PAM: variants seen among roughly 807,000 people sequenced by gnomAD.
The protein encoded by PAM is peptidyl-glycine alpha-amidating monooxygenase.
In PAM, 72 loss-of-function variants were observed where a neutral mutation model predicts 122.1. That is an observed-to-expected ratio of 0.59 (90% CI 0.49 to 0.72). PAM has a LOEUF of 0.72. Among genes scored for constraint, PAM ranks in the 30% least tolerant of loss-of-function variants. The pLI is 0.00. For synonymous variants in PAM, 389 were observed against 404.4 expected (o/e 0.96, Z 0.46); for missense variants, 1,106 against 1,183.7 (o/e 0.93, Z 0.96).
rs375491118 is a variant in PAM at position 103,028,932 on chromosome 5, G to T, written c.2789G>T (p.Arg930Leu). 2 of 1,612,712 alleles carry T rather than the reference G, an allele frequency of 1.2e-6. No homozygotes were observed. Among genetic ancestry groups the T allele is most frequent in the Non-Finnish European group, 1.7e-6 (2 of 1,179,376 alleles). Residue 930 changes from arginine (R) to leucine (L), a missense_variant, in exon 26 of 26, where the codon CGT (arginine) becomes CTT (leucine). This residue lies in a region of PAM where 333 missense variants were observed against 335.6 expected (regional missense o/e 0.99). Coordinates refer to ENST00000438793, the MANE Select transcript of PAM (RefSeq NM_001177306.2). The part of the protein sequence containing the change: ...GLNLGNFFAS[R>L]KGYSRKGFDR... ...AACCTTGGTAATTTCTTTGCAAGCC[G>T]TAAGGGCTACAGTCGAAAAGGGTTT...
chr5:102,912,609 T>C (rs1452088713), intron 4 of PAM, among the ~76,000 whole-genome samples: 1 of 150,856 alleles, frequency 6.6e-6, no homozygotes, highest in Non-Finnish European at 1.5e-5. Context: ...GGCTTCATGA[T>C]GATAAGGACT....
At chr5:102,931,161 A>G (rs578152771) in intron 7 of PAM, among the ~76,000 whole-genome samples, 4 of 152,316 alleles carry the variant, frequency 2.6e-5, no homozygotes, top group African/African-American at 7.2e-5. Context: ...CCTAAATACA[A>G]TATTTTGTCT....
rs1414806488 is a variant in PAM, at chr5:102,783,026, G to C, written c.-374+27678G>C. Among the ~76,000 whole-genome samples the C allele has an allele frequency of 3.4e-5, 5 of 146,870 alleles. No individual in the cohort carries two copies. The East Asian group carries it at 9.8e-4, about 29-fold the overall frequency. ...AAATTGTATGTCAGGGTGTATTTCT[G>C]TGTGGGGTTGCAAGGGCAGGAAAGA... On this transcript the variant is annotated intron_variant, in intron 1 of 25. Transcript: ENST00000438793.
At chr5:102,910,801 A>G (rs1412574339) in intron 4 of PAM, among the ~76,000 whole-genome samples, 1 of 151,666 alleles carries the variant, frequency 6.6e-6, no homozygotes, top group Non-Finnish European at 1.5e-5. Context: ...TTGGTGTATG[A>G]TGGGTGAAAA....
intron 1 of PAM, among the ~76,000 whole-genome samples, chr5:102,769,433 C>T (rs538057405): frequency 7.5e-4 from 114 of 152,140 alleles, no homozygotes; most frequent in African/African-American, 2.7e-3. Context: ...TGCCCATACC[C>T]ATGTCCTGGA....
intron 1 of PAM, among the ~76,000 whole-genome samples, chr5:102,823,382 A>C (rs553992270): frequency 6.6e-6 from 1 of 152,198 alleles, no homozygotes; most frequent in Non-Finnish European, 1.5e-5. Context: ...ATAAGTAAAA[A>C]TTAATGGTAA....
chr5:102,850,167 G>T (rs2150716899), intron 1 of PAM, among the ~76,000 whole-genome samples: 2 of 152,212 alleles, frequency 1.3e-5, no homozygotes, highest in South Asian at 4.1e-4. Flanking sequence ...TGCTAAGTTT[G>T]GGGATATAAC....
chr5:102,788,695 G>C (rs1227144753), intron 1 of PAM, among the ~76,000 whole-genome samples: 1 of 152,048 alleles, frequency 6.6e-6, no homozygotes, highest in Non-Finnish European at 1.5e-5. Flanking sequence ...TGTTACATCT[G>C]ATTTTTGATG....
chr5:102,875,272 T>C (rs1216444983), intron 3 of PAM, among the ~76,000 whole-genome samples: 4 of 151,998 alleles, frequency 2.6e-5, no homozygotes, highest in East Asian at 3.9e-4. Context: ...AGCTCACTGC[T>C]ACCTCAACCT....
Position 102,780,396 on chromosome 5 carries a change from A to G in PAM, c.-374+25048A>G, listed in dbSNP as rs191411415. On this transcript the variant is annotated intron_variant, in intron 1 of 25. Coordinates refer to ENST00000438793, the MANE Select transcript of PAM (RefSeq NM_001177306.2). ...AAATATTGTCTTTCTTGATTCATGT[A>G]GTAACTTCATTTCTAAACATAAGGG... Among the ~76,000 whole-genome samples the G allele has an allele frequency of 1.9e-4, 29 of 152,290 alleles. No homozygotes were observed. In the East Asian group the frequency reaches 5.2e-3, roughly 27 times the overall value.
chr5:102,899,657 A>G (rs1797133923), intron 3 of PAM, among the ~76,000 whole-genome samples: 1 of 151,720 alleles, frequency 6.6e-6, no homozygotes, highest in African/African-American at 2.4e-5. Context: ...ATATATTCAG[A>G]TCCCAGCTCC....
At position 103,026,939 on chromosome 5, in the gene PAM, G is replaced by C. The variant is rs114143610; in HGVS notation, c.2690-1246G>C. On this transcript the variant is annotated intron_variant, in intron 24 of 25. Transcript: ENST00000438793. Reference sequence around the variant, plus strand: ...CTCTCCTGTTTGTTGTTAAGCACATGTGACACAGCACTGTTACATGATGCT... The same window carrying C: ...CTCTCCTGTTTGTTGTTAAGCACATCTGACACAGCACTGTTACATGATGCT... Among the ~76,000 whole-genome samples the C allele has an allele frequency of 4.1e-3, 626 of 152,314 alleles. 3 individuals are homozygous for C. The highest frequency in any genetic ancestry group is 0.015 in the African/African-American group (610 of 41,560).
chr5:102,949,586 C>G lies in PAM; in HGVS notation c.693C>G (p.Val231=). 6.5e-7 allele frequency: 1 copy of G among 1,537,294 alleles called. No individual in the cohort carries two copies. Among genetic ancestry groups the G allele is most frequent in the South Asian group, 1.1e-5 (1 of 89,492 alleles). The change falls in exon 10 of 26, where the codon GTC becomes GTG. Residue 231 remains valine (V), a synonymous_variant. Coordinates refer to ENST00000438793, the MANE Select transcript of PAM (RefSeq NM_001177306.2). ...SCHYKNYPMH[V]FAYRVHTHHL... is the part of the protein sequence containing the mutation. ...ATTATAAAAATTATCCAATGCATGT[C>G]TTTGCCTATAGAGTTCACACTCACC...
intron 5 of PAM, among the ~76,000 whole-genome samples, chr5:102,918,220 G>A (rs901359434): frequency 2.6e-5 from 4 of 152,156 alleles, no homozygotes; most frequent in Admixed American, 6.6e-5. Context: ...CTTCCCAGGC[G>A]TTTGGAGGAG....
In PAM at chr5:103,028,955, T is replaced by A; in HGVS notation, c.2812T>A (p.Phe938Ile). 6.2e-7 allele frequency: 1 copy of A among 1,613,770 alleles called. No individual in the cohort carries two copies. The highest frequency in any genetic ancestry group is 8.5e-7 in the Non-Finnish European group (1 of 1,179,734). Residue 938 changes from phenylalanine (F) to isoleucine (I), a missense_variant, in exon 26 of 26, where the codon TTT becomes ATT. This residue lies in a region of PAM where 333 missense variants were observed against 335.6 expected (regional missense o/e 0.99). Coordinates refer to ENST00000438793, the MANE Select transcript of PAM (RefSeq NM_001177306.2). ...CCGTAAGGGCTACAGTCGAAAAGGG[T>A]TTGACCGGCTTAGCACTGAGGGCAG... is the stretch of plus-strand genomic sequence containing the variant. Reference protein sequence around the residue: ...ASRKGYSRKGFDRLSTEGSDQ... With the variant: ...ASRKGYSRKGIDRLSTEGSDQ...
chr5:102,794,227 C>T (rs1762781633), intron 1 of PAM, among the ~76,000 whole-genome samples: 1 of 152,096 alleles, frequency 6.6e-6, no homozygotes, highest in African/African-American at 2.4e-5. Flanking sequence ...ATAACAAGGT[C>T]CCACTGAGGT....
At position 102,974,112 on chromosome 5, in the gene PAM, A is replaced by T; in HGVS notation, c.1163-4A>T. ...CGCCCTTATCTCTTCTCTTTTTTCCACAGGTGATTTCTATTCACTACTTTC... is the reference window on the plus strand; with the variant it reads ...CGCCCTTATCTCTTCTCTTTTTTCCTCAGGTGATTTCTATTCACTACTTTC... On this transcript the variant is annotated splice_polypyrimidine_tract_variant and splice_region_variant and intron_variant, in intron 14 of 25. Transcript: ENST00000438793. 4 of 1,603,466 alleles carry T rather than the reference A, an allele frequency of 2.5e-6. No homozygotes were observed. Among genetic ancestry groups the T allele is most frequent in the Non-Finnish European group, 3.4e-6 (4 of 1,173,082 alleles).
intron 1 of PAM, among the ~76,000 whole-genome samples, chr5:102,833,844 T>C (rs1025754584): frequency 6.6e-6 from 1 of 152,086 alleles, no homozygotes; most frequent in African/African-American, 2.4e-5. Flanking sequence ...TGAGAAGAGA[T>C]CCTACATTGG....
intron 12 of PAM, among the ~76,000 whole-genome samples, chr5:102,951,171 C>T (rs902496156): frequency 3.3e-5 from 5 of 151,846 alleles, no homozygotes; most frequent in East Asian, 1.9e-4. Context: ...CCTGTGTTCA[C>T]GGGGTCTACA....
Sources: allele counts gnomAD v4.1 joint callset (sites outside exome capture counted in the v4.1 genomes callset), GRCh38; gene constraint gnomAD v4.1.1; regional missense constraint gnomAD v4.1.1; transcripts MANE v1.5; gene names NCBI Gene and HGNC (gene_info 2026-07-23, HGNC 2026-07-21).